The following TTC28 variants were observed in gnomAD, a reference collection of about 807,000 sequenced individuals.
TTC28 encodes the protein tetratricopeptide repeat protein 28.
Under a neutral mutation model 198.0 loss-of-function variants are expected in TTC28, and 61 were observed. That is an observed-to-expected ratio of 0.31 (90% CI 0.25 to 0.38). The LOEUF is 0.38. TTC28 is among the 10% of genes least tolerant of loss of function. The probability of loss-of-function intolerance (pLI) is 1.00; values close to 1 mark genes in which losing one functional copy is unlikely to be tolerated. For synonymous variants in TTC28, 1,171 were observed against 1,297.8 expected (o/e 0.90, Z 2.10); for missense variants, 2,678 against 3,164.0 (o/e 0.85, Z 3.69).
chr22:28,502,013 AG>A, intron 2 of TTC28, among the ~76,000 whole-genome samples: 1 of 152,340 alleles, frequency 6.6e-6, no homozygotes, highest in South Asian at 2.1e-4. Context: ...TATCCATAAA[AG>A]CATATGTTTT....
At chr22:28,028,327 G>T (rs1487618085) in intron 13 of TTC28, among the ~76,000 whole-genome samples, 1 of 152,210 alleles carries the variant, frequency 6.6e-6, no homozygotes, top group Non-Finnish European at 1.5e-5. Flanking sequence ...TGTTGTATAA[G>T]TGAACCAACA....
chr22:28,305,651 CA>C (rs2045129450), intron 3 of TTC28, among the ~76,000 whole-genome samples: 1 of 152,120 alleles, frequency 6.6e-6, no homozygotes, highest in African/African-American at 2.4e-5. Flanking sequence ...GACTGAAAAA[CA>C]GTTCTGCTTG....
intron 5 of TTC28, among the ~76,000 whole-genome samples, chr22:28,250,259 G>C (rs1290894542): frequency 6.6e-6 from 1 of 152,098 alleles, no homozygotes; most frequent in Non-Finnish European, 1.5e-5. Context: ...TCTTTTTAAT[G>C]TCCTGGATGA....
At chr22:28,456,954 T>C (rs1006385352) in intron 2 of TTC28, among the ~76,000 whole-genome samples, 3 of 152,232 alleles carry the variant, frequency 2.0e-5, no homozygotes, top group Non-Finnish European at 2.9e-5. Context: ...AGCAAACTAA[T>C]GTCGGCATAA....
intron 1 of TTC28, among the ~76,000 whole-genome samples, chr22:28,646,052 G>GT (rs2051460869): frequency 6.6e-6 from 1 of 152,060 alleles, no homozygotes; most frequent in African/African-American, 2.4e-5. Flanking sequence ...ATTCAATACA[G>GT]TACTGAGGAT....
intron 2 of TTC28, among the ~76,000 whole-genome samples, chr22:28,590,304 T>C (rs2050404534): frequency 6.6e-6 from 1 of 151,766 alleles, no homozygotes; most frequent in Non-Finnish European, 1.5e-5. Context: ...ATTTTTTTTG[T>C]ATTTTTAGTA....
intron 2 of TTC28, among the ~76,000 whole-genome samples, chr22:28,422,863 T>C (rs979792518): frequency 6.6e-6 from 1 of 152,338 alleles, no homozygotes; most frequent in African/African-American, 2.4e-5. Flanking sequence ...ATTAATGATA[T>C]ATTTTAAAAT....
At chr22:28,615,790 G>A (rs2050895765) in intron 2 of TTC28, among the ~76,000 whole-genome samples, 2 of 148,294 alleles carry the variant, frequency 1.3e-5, no homozygotes, top group Non-Finnish European at 3.0e-5. Flanking sequence ...ATCGGGGCCT[G>A]TAGGGGGGTG....
chr22:28,574,680 A>G (rs1019738226), intron 2 of TTC28, among the ~76,000 whole-genome samples: 1 of 152,144 alleles, frequency 6.6e-6, no homozygotes, highest in Non-Finnish European at 1.5e-5. Context: ...TATACTCAAC[A>G]GCATTTGTTA....
chr22:28,185,333 T>C (rs772102217), intron 5 of TTC28, among the ~76,000 whole-genome samples: 5 of 152,186 alleles, frequency 3.3e-5, no homozygotes, highest in Non-Finnish European at 5.9e-5. Flanking sequence ...ATGAAATCTA[T>C]TCCTTTTCAC....
chr22:28,261,870 C>T (rs774000979), intron 5 of TTC28, among the ~76,000 whole-genome samples: 29 of 152,070 alleles, frequency 1.9e-4, no homozygotes, highest in Non-Finnish European at 1.3e-4. Flanking sequence ...TATTGGAACA[C>T]CTTTTAACAT....
intron 2 of TTC28, among the ~76,000 whole-genome samples, chr22:28,310,960 A>G (rs902100646): frequency 2.0e-5 from 3 of 151,830 alleles, no homozygotes; most frequent in Non-Finnish European, 2.9e-5. Flanking sequence ...TTTAATTTTT[A>G]GTGGAGGCGG....
At chr22:28,451,234 T>C (rs1230680064) in intron 2 of TTC28, among the ~76,000 whole-genome samples, 1 of 152,192 alleles carries the variant, frequency 6.6e-6, no homozygotes, top group Non-Finnish European at 1.5e-5. Context: ...TGACGGGATA[T>C]CATTGAATAC....
chr22:28,167,496 G>A (rs1047100697), intron 5 of TTC28, among the ~76,000 whole-genome samples: 1 of 152,194 alleles, frequency 6.6e-6, no homozygotes, highest in African/African-American at 2.4e-5. Context: ...CTTCATCTCT[G>A]CGATGCAAGG....
chr22:28,391,945 GCT>G (rs1463594484), intron 2 of TTC28, among the ~76,000 whole-genome samples: 6 of 152,208 alleles, frequency 3.9e-5, no homozygotes, highest in African/African-American at 1.4e-4. Flanking sequence ...CAGTTTTTCT[GCT>G]CTGTTTTTTC....
intron 1 of TTC28, among the ~76,000 whole-genome samples, chr22:28,654,970 G>A (rs995024584): frequency 6.6e-6 from 1 of 152,112 alleles, no homozygotes; most frequent in Admixed American, 6.5e-5. Context: ...TGAATACTAG[G>A]ACTATATTCT....
intron 1 of TTC28, among the ~76,000 whole-genome samples, chr22:28,658,927 G>A (rs897451851): frequency 2.8e-4 from 43 of 152,154 alleles, no homozygotes; most frequent in African/African-American, 1.0e-3. Context: ...AGCCTGGGAG[G>A]TGGAGGTCAC....
At chr22:28,118,741 G>C (rs538816465) in intron 6 of TTC28, among the ~76,000 whole-genome samples, 10 of 152,192 alleles carry the variant, frequency 6.6e-5, no homozygotes, top group Middle Eastern at 3.4e-3. Flanking sequence ...AACGACACAT[G>C]ACTATATTTC....
intron 2 of TTC28, among the ~76,000 whole-genome samples, chr22:28,449,009 G>C (rs1218439290): frequency 6.6e-6 from 1 of 152,192 alleles, no homozygotes; most frequent in Admixed American, 6.5e-5. Context: ...GGTCAAAAGA[G>C]AAGACAGGTA....
Sources: allele counts gnomAD v4.1 joint callset (sites outside exome capture counted in the v4.1 genomes callset), GRCh38; gene constraint gnomAD v4.1.1; transcripts MANE v1.5; gene names NCBI Gene and HGNC (gene_info 2026-07-23, HGNC 2026-07-21).